The following C1QTNF3 variants were observed in gnomAD, a reference collection of about 807,000 sequenced individuals.
C1QTNF3 encodes the protein C1q and TNF related 3, also known as complement C1q tumor necrosis factor-related protein 3.
Under a neutral mutation model 32.6 loss-of-function variants are expected in C1QTNF3, and 26 were observed. The observed-to-expected ratio is 0.80, with a 90% CI of 0.58 to 1.11. C1QTNF3 has a LOEUF of 1.11. C1QTNF3 is among the 50% of genes least tolerant of loss of function. The probability of loss-of-function intolerance (pLI) is 0.00; values close to 1 mark genes in which losing one functional copy is unlikely to be tolerated. For synonymous variants in C1QTNF3, 155 were observed against 146.0 expected, an observed-to-expected ratio of 1.06 and a Z score of -0.44; for missense variants, 362 against 398.2, an observed-to-expected ratio of 0.91 and a Z score of 0.77.
At chr5:34,100,232 C>G in the C1QTNF3 span, among the ~76,000 whole-genome samples, 1 of 152,096 alleles carries the variant, frequency 6.6e-6, no homozygotes, top group Non-Finnish European at 1.5e-5. Context: ...GCCAAATGCT[C>G]TATGAAGCCT....
the C1QTNF3 span, among the ~76,000 whole-genome samples, chr5:34,203,503 T>C: frequency 2.6e-4 from 39 of 152,106 alleles, no homozygotes; most frequent in South Asian, 7.3e-3. Flanking sequence ...CTGGCCAACA[T>C]AGTGAAACCC....
the C1QTNF3 span, among the ~76,000 whole-genome samples, chr5:34,136,793 T>C: frequency 6.6e-6 from 1 of 152,192 alleles, no homozygotes; most frequent in East Asian, 1.9e-4. Flanking sequence ...ATGTGGCACA[T>C]AGACACCATG....
chr5:34,171,696 CATT>C, the C1QTNF3 span, among the ~76,000 whole-genome samples: 1 of 152,076 alleles, frequency 6.6e-6, no homozygotes, highest in Admixed American at 6.6e-5. Flanking sequence ...ATTCAAATGA[CATT>C]GGTCAAAACA....
At chr5:34,121,131 G>A in the C1QTNF3 span, among the ~76,000 whole-genome samples, 2 of 152,268 alleles carry the variant, frequency 1.3e-5, no homozygotes, top group Admixed American at 6.5e-5. Flanking sequence ...CATAGTGTGT[G>A]TAGGTATATT....
the C1QTNF3 span, among the ~76,000 whole-genome samples, chr5:34,082,640 A>T: frequency 5.3e-5 from 8 of 151,830 alleles, no homozygotes; most frequent in South Asian, 1.7e-3. Flanking sequence ...CTGTTCAAGT[A>T]CTGTAGATTT....
At chr5:34,241,682 C>T in the C1QTNF3 span, among the ~76,000 whole-genome samples, 62 of 151,804 alleles carry the variant, frequency 4.1e-4, no homozygotes, top group African/African-American at 1.4e-3. Context: ...GCAGGTATAT[C>T]GCTTGGACCC....
the C1QTNF3 span, among the ~76,000 whole-genome samples, chr5:34,146,456 T>C: frequency 6.6e-6 from 1 of 152,158 alleles, no homozygotes; most frequent in Non-Finnish European, 1.5e-5. Context: ...ATGATACTTG[T>C]ACAAAAACAC....
At chr5:34,114,327 A>G in the C1QTNF3 span, among the ~76,000 whole-genome samples, 424 of 152,288 alleles carry the variant, frequency 2.8e-3, 1 homozygote, top group African/African-American at 9.6e-3. Flanking sequence ...AACACTGAAA[A>G]AGAGGTAACT....
At chr5:34,050,721 G>GC in the C1QTNF3 span, among the ~76,000 whole-genome samples, 1 of 152,170 alleles carries the variant, frequency 6.6e-6, no homozygotes. Context: ...GCTTTGGGGA[G>GC]TAATGGCACA....
At chr5:34,221,796 C>T in the C1QTNF3 span, among the ~76,000 whole-genome samples, 3 of 152,036 alleles carry the variant, frequency 2.0e-5, no homozygotes, top group African/African-American at 7.2e-5. Flanking sequence ...TTCTAATCAT[C>T]CTGGATTTCA....
At chr5:34,040,605 T>C (rs973552087) in intron 1 of C1QTNF3, among the ~76,000 whole-genome samples, 2 of 152,076 alleles carry the variant, frequency 1.3e-5, no homozygotes, top group Non-Finnish European at 2.9e-5. Flanking sequence ...TTCCAGACCA[T>C]ATATCTGATT....
At chr5:34,148,128 G>A in the C1QTNF3 span, among the ~76,000 whole-genome samples, 3 of 149,970 alleles carry the variant, frequency 2.0e-5, no homozygotes, top group African/African-American at 4.9e-5. Context: ...ACTCCCACCC[G>A]AATATTGCGC....
the C1QTNF3 span, among the ~76,000 whole-genome samples, chr5:34,103,932 A>G: frequency 5.3e-5 from 8 of 151,904 alleles, no homozygotes; most frequent in Non-Finnish European, 1.2e-4. Flanking sequence ...ATTAGCCCAG[A>G]TATTTTTCTA....
At chr5:34,084,862 T>C in the C1QTNF3 span, among the ~76,000 whole-genome samples, 5 of 147,594 alleles carry the variant, frequency 3.4e-5, no homozygotes, top group Non-Finnish European at 5.9e-5. Flanking sequence ...TTTGTCAATT[T>C]TGGCTTTTGT....
Position 34,043,047 on chromosome 5 carries a change from T to G in C1QTNF3, c.79A>C (p.Met27Leu). 10 of 1,614,118 alleles carry G rather than the reference T, an allele frequency of 6.2e-6. No homozygotes were observed. The highest frequency in any genetic ancestry group is 7.6e-6 in the Non-Finnish European group (9 of 1,180,014). ...TTATTAGTTCTTCCGCTCACCTCCA[T>G]GTATTCATCTTGACACAGGCAAAAA... The part of the protein sequence containing the change: ...LPFCLCQDEY[M>L]EVSGRTNKVV... Residue 27 changes from methionine (M) to leucine (L), a missense_variant, in exon 1 of 6, where the codon ATG becomes CTG. Coordinates refer to ENST00000382065, the MANE Select transcript of C1QTNF3 (RefSeq NM_181435.6).
the C1QTNF3 span, among the ~76,000 whole-genome samples, chr5:34,082,520 T>C: frequency 0.012 from 1,882 of 151,830 alleles, 22 homozygotes; most frequent in South Asian, 0.029. Context: ...TACACTACCA[T>C]TTAATGAGAG....
At chr5:34,128,092 C>T in the C1QTNF3 span, among the ~76,000 whole-genome samples, 1 of 152,184 alleles carries the variant, frequency 6.6e-6, no homozygotes, top group Non-Finnish European at 1.5e-5. Context: ...GTCCTCTGTG[C>T]AGCCTTGGGA....
At chr5:34,138,701 T>C in the C1QTNF3 span, among the ~76,000 whole-genome samples, 1 of 152,198 alleles carries the variant, frequency 6.6e-6, no homozygotes, top group South Asian at 2.1e-4. Context: ...CACAGCTGAA[T>C]CTTTGAGGTA....
chr5:34,236,378 G>A, the C1QTNF3 span, among the ~76,000 whole-genome samples: 57 of 131,202 alleles, frequency 4.3e-4, no homozygotes, highest in Admixed American at 9.9e-4. Context: ...GCAACAGAGC[G>A]AGACTCCATC....
Sources: allele counts gnomAD v4.1 joint callset (sites outside exome capture counted in the v4.1 genomes callset), GRCh38; gene constraint gnomAD v4.1.1; transcripts MANE v1.5; gene names NCBI Gene and HGNC (gene_info 2026-07-23, HGNC 2026-07-21).